ANO10: variants seen among roughly 807,000 people sequenced by gnomAD.
ANO10 encodes anoctamin 10, also known as anoctamin-10.
ANO10 carries 77 observed loss-of-function variants against 74.7 expected under a neutral mutation model. The ratio of observed to expected loss-of-function variants is 1.03; its 90% CI spans 0.86 to 1.25. The LOEUF (loss-of-function observed/expected upper bound fraction) is 1.25. ANO10 is among the 50% of genes most tolerant of loss of function. ANO10 has a pLI of 0.00. For synonymous variants in ANO10, 279 were observed against 284.9 expected (o/e 0.98, Z 0.21); for missense variants, 721 against 778.1 (o/e 0.93, Z 0.87).
intron 12 of ANO10, among the ~76,000 whole-genome samples, chr3:43,407,955 A>G (rs1478831890): frequency 6.6e-6 from 1 of 152,234 alleles, no homozygotes; most frequent in Non-Finnish European, 1.5e-5. Context: ...GCTGCTAAAA[A>G]ATTTTGAGCA....
intron 12 of ANO10, among the ~76,000 whole-genome samples, chr3:43,411,240 A>C (rs1323952910): frequency 1.3e-5 from 2 of 152,186 alleles, no homozygotes; most frequent in Admixed American, 1.3e-4. Context: ...ATTTATTGGA[A>C]GCTACACTAA....
At chr3:43,662,690 T>C (rs1243509950) in intron 1 of ANO10, among the ~76,000 whole-genome samples, 1 of 151,582 alleles carries the variant, frequency 6.6e-6, no homozygotes, top group Non-Finnish European at 1.5e-5. Flanking sequence ...ATAGATGCAA[T>C]AAAAAATGAT....
At chr3:43,438,138 A>G (rs894485529) in intron 11 of ANO10, among the ~76,000 whole-genome samples, 5 of 152,202 alleles carry the variant, frequency 3.3e-5, no homozygotes, top group Non-Finnish European at 7.3e-5. Context: ...AGAATAACTG[A>G]ATTAACAAGT....
intron 11 of ANO10, among the ~76,000 whole-genome samples, chr3:43,531,319 C>T (rs2078456945): frequency 6.6e-6 from 1 of 152,234 alleles, no homozygotes. Flanking sequence ...AAAGAATTCA[C>T]CAAGATCTAT....
chr3:43,680,581 C>A (rs938346907), intron 1 of ANO10, among the ~76,000 whole-genome samples: 4 of 152,008 alleles, frequency 2.6e-5, no homozygotes, highest in Admixed American at 2.0e-4. Context: ...AATACAGAGA[C>A]CACCACAAAG....
rs139348667 is a variant in ANO10 at position 43,555,267 on chromosome 3, C to T, written c.1668+11G>A. 25 of 1,612,728 alleles carry T rather than the reference C, an allele frequency of 1.6e-5. No individual in the cohort carries two copies. The highest frequency in any genetic ancestry group is 1.3e-4 in the Admixed American group (8 of 59,932). On this transcript the variant is annotated intron_variant, in intron 10 of 12. Transcript: ENST00000292246. Reference sequence around the variant, plus strand: ...TTTTTTAAAGGAATAATTTTTTTCTCAAACAATTACCTGCCACACACCAAT... The same window carrying T: ...TTTTTTAAAGGAATAATTTTTTTCTTAAACAATTACCTGCCACACACCAAT...
At chr3:43,396,072 A>T (rs1204117414) in intron 12 of ANO10, among the ~76,000 whole-genome samples, 9 of 145,642 alleles carry the variant, frequency 6.2e-5, no homozygotes, top group East Asian at 2.1e-4. Context: ...TAATTTATTT[A>T]TTTATTTTTT....
At chr3:43,394,727 C>T (rs564813501) in intron 12 of ANO10, among the ~76,000 whole-genome samples, 33 of 152,294 alleles carry the variant, frequency 2.2e-4, no homozygotes, top group South Asian at 8.3e-4. Flanking sequence ...CCTTGAGCTG[C>T]CCCGGGTGGA....
chr3:43,664,190 C>A (rs534348019), intron 1 of ANO10, among the ~76,000 whole-genome samples: 2 of 152,048 alleles, frequency 1.3e-5, no homozygotes, highest in Non-Finnish European at 2.9e-5. Context: ...GATATATAGA[C>A]CAGTAGAACA....
At chr3:43,653,241 C>T (rs997718710) in intron 1 of ANO10, among the ~76,000 whole-genome samples, 5 of 151,872 alleles carry the variant, frequency 3.3e-5, no homozygotes, top group Admixed American at 6.6e-5. Context: ...TATCAACACC[C>T]TAATATAGAA....
chr3:43,670,722 AAGT>A (rs1335070492), intron 1 of ANO10, among the ~76,000 whole-genome samples: 12 of 152,202 alleles, frequency 7.9e-5, no homozygotes, highest in African/African-American at 2.9e-4. Context: ...TTTGGCACTA[AAGT>A]AGATCTATGG....
intron 11 of ANO10, among the ~76,000 whole-genome samples, chr3:43,473,513 C>T (rs1165448962): frequency 6.6e-6 from 1 of 152,168 alleles, no homozygotes; most frequent in East Asian, 1.9e-4. Flanking sequence ...TCCCACATGC[C>T]ACTGTCATTA....
At chr3:43,660,083 C>T (rs185685708) in intron 1 of ANO10, among the ~76,000 whole-genome samples, 188 of 152,232 alleles carry the variant, frequency 1.2e-3, no homozygotes, top group Non-Finnish European at 5.1e-4. Flanking sequence ...ACCAAAACCC[C>T]ATCTGTAGGT....
intron 1 of ANO10, among the ~76,000 whole-genome samples, chr3:43,673,050 T>G (rs2084079007): frequency 6.6e-6 from 1 of 152,214 alleles, no homozygotes; most frequent in African/African-American, 2.4e-5. Flanking sequence ...CACTAACTGC[T>G]CATTCACTTA....
At chr3:43,409,945 T>C (rs964146037) in intron 12 of ANO10, among the ~76,000 whole-genome samples, 1 of 152,220 alleles carries the variant, frequency 6.6e-6, no homozygotes, top group Admixed American at 6.5e-5. Flanking sequence ...GTATTATTCC[T>C]GAAGACCCAA....
intron 11 of ANO10, among the ~76,000 whole-genome samples, chr3:43,500,354 T>C (rs1010062253): frequency 7.2e-5 from 11 of 152,214 alleles, no homozygotes; most frequent in African/African-American, 2.7e-4. Flanking sequence ...CAAGCTTCCA[T>C]GCTGGTGCTT....
intron 11 of ANO10, among the ~76,000 whole-genome samples, chr3:43,452,987 A>C (rs2074946808): frequency 6.6e-6 from 1 of 152,224 alleles, no homozygotes. Flanking sequence ...TCTTCTTTGT[A>C]GAAATGTCTA....
At chr3:43,425,419 G>GTTAATA (rs2092884857) in intron 12 of ANO10, among the ~76,000 whole-genome samples, 1 of 151,632 alleles carries the variant, frequency 6.6e-6, no homozygotes, top group South Asian at 2.1e-4. Flanking sequence ...ATTAAATTAG[G>GTTAATA]TTAATATTTA....
chr3:43,652,099 A>G (rs1026546322), intron 1 of ANO10, among the ~76,000 whole-genome samples: 1 of 150,470 alleles, frequency 6.6e-6, no homozygotes, highest in Non-Finnish European at 1.5e-5. Context: ...AATGCAATCT[A>G]TCAGAATCTT....
Sources: allele counts gnomAD v4.1 joint callset (sites outside exome capture counted in the v4.1 genomes callset), GRCh38; gene constraint gnomAD v4.1.1; transcripts MANE v1.5; gene names NCBI Gene and HGNC (gene_info 2026-07-23, HGNC 2026-07-21).